DPP6: variants seen among roughly 807,000 people sequenced by gnomAD.
DPP6 encodes A-type potassium channel modulatory protein DPP6.
A neutral mutation model predicts 122.6 loss-of-function variants in DPP6; 69 were observed. The observed-to-expected ratio is 0.56, with a 90% CI of 0.46 to 0.69. The LOEUF (loss-of-function observed/expected upper bound fraction) is 0.69, where lower values mean the gene tolerates loss of function less well. Ranked by LOEUF, DPP6 falls within the 30% of genes least tolerant of loss-of-function variation. The pLI is 0.00. For synonymous variants in DPP6, 418 were observed against 433.1 expected (o/e 0.97, Z 0.43); for missense variants, 928 against 1,116.9 (o/e 0.83, Z 2.41).
At chr7:154,654,920 G>A (rs933774625) in intron 6 of DPP6, among the ~76,000 whole-genome samples, 2 of 152,126 alleles carry the variant, frequency 1.3e-5, no homozygotes, top group African/African-American at 2.4e-5. Flanking sequence ...TGCTACATGA[G>A]TTTAAGGTAT....
chr7:154,860,615 T>A (rs57604251), intron 17 of DPP6, among the ~76,000 whole-genome samples: 8,643 of 152,282 alleles, frequency 0.057, 863 homozygotes, highest in African/African-American at 0.2. Context: ...TGGCACTTGC[T>A]GGGGTGGCGA....
intron 10 of DPP6, among the ~76,000 whole-genome samples, chr7:154,781,390 C>T (rs1797021568): frequency 6.6e-6 from 1 of 152,196 alleles, no homozygotes; most frequent in South Asian, 2.1e-4. Flanking sequence ...TCACTTCGTT[C>T]TCCCTCATCC....
chr7:154,823,663 C>T (rs149473773), intron 16 of DPP6, among the ~76,000 whole-genome samples: 3 of 152,322 alleles, frequency 2.0e-5, no homozygotes, highest in Non-Finnish European at 4.4e-5. Context: ...ACTCTCGTCC[C>T]AGGAGTTCTC....
At chr7:154,479,708 G>A (rs1373279666) in intron 3 of DPP6, among the ~76,000 whole-genome samples, 2 of 151,920 alleles carry the variant, frequency 1.3e-5, no homozygotes, top group East Asian at 1.9e-4. Context: ...TATAACAACC[G>A]CATTGCACTT....
chr7:154,645,420 A>G (rs1002320011), intron 6 of DPP6, among the ~76,000 whole-genome samples: 3 of 152,022 alleles, frequency 2.0e-5, no homozygotes, highest in African/African-American at 7.2e-5. Context: ...ATCTGCCTGT[A>G]AGACTTGGTC....
intron 1 of DPP6, among the ~76,000 whole-genome samples, chr7:154,225,775 A>C (rs1800561857): frequency 6.6e-6 from 1 of 152,202 alleles, no homozygotes; most frequent in Non-Finnish European, 1.5e-5. Flanking sequence ...GGATGTAAAC[A>C]TACGAATTTC....
the DPP6 span, among the ~76,000 whole-genome samples, chr7:153,770,465 T>C: frequency 0.91 from 138,742 of 152,030 alleles, 63,367 homozygotes; most frequent in Admixed American, 0.94. Flanking sequence ...AAATAAACAA[T>C]AACGAATCCC....
intron 1 of DPP6, among the ~76,000 whole-genome samples, chr7:153,926,276 CATT>C (rs1291912913): frequency 6.6e-6 from 1 of 152,168 alleles, no homozygotes; most frequent in Non-Finnish European, 1.5e-5. Context: ...TAAATTGTCT[CATT>C]AATTTGTGAA....
At chr7:154,780,674 C>G (rs1796963998) in intron 10 of DPP6, among the ~76,000 whole-genome samples, 1 of 152,186 alleles carries the variant, frequency 6.6e-6, no homozygotes, top group Non-Finnish European at 1.5e-5. Flanking sequence ...AGTTTCTTCC[C>G]GTGGACCACA....
intron 5 of DPP6, among the ~76,000 whole-genome samples, chr7:154,620,264 T>C (rs557974971): frequency 6.6e-6 from 1 of 152,360 alleles, no homozygotes; most frequent in South Asian, 2.1e-4. Context: ...AAATGTTCAG[T>C]AGAGGACCCT....
At chr7:154,154,650 G>A (rs1416245715) in intron 1 of DPP6, among the ~76,000 whole-genome samples, 1 of 152,212 alleles carries the variant, frequency 6.6e-6, no homozygotes, top group Non-Finnish European at 1.5e-5. Flanking sequence ...GCCCATTTTA[G>A]AGCTAGATTG....
chr7:154,490,380 C>A (rs1824176435), intron 3 of DPP6, among the ~76,000 whole-genome samples: 1 of 152,214 alleles, frequency 6.6e-6, no homozygotes, highest in South Asian at 2.1e-4. Context: ...CCAAAGCACG[C>A]AGCCCTCCTT....
At chr7:154,223,234 C>A (rs1031335842) in intron 1 of DPP6, among the ~76,000 whole-genome samples, 1 of 149,344 alleles carries the variant, frequency 6.7e-6, no homozygotes, top group African/African-American at 2.6e-5. Context: ...AGAAGCTCAG[C>A]ACCAGGGTGC....
At chr7:154,730,811 A>G (rs555738839) in intron 8 of DPP6, among the ~76,000 whole-genome samples, 3 of 152,252 alleles carry the variant, frequency 2.0e-5, no homozygotes, top group Non-Finnish European at 4.4e-5. Flanking sequence ...TCAAAAATCC[A>G]TAACCAGGAG....
At chr7:154,468,835 CAT>C (rs905408402) in intron 2 of DPP6, among the ~76,000 whole-genome samples, 30 of 152,234 alleles carry the variant, frequency 2.0e-4, no homozygotes, top group South Asian at 6.2e-4. Flanking sequence ...TATTTGAAGA[CAT>C]GTGAATTTGT....
At chr7:154,076,983 C>T (rs1336049802) in intron 1 of DPP6, among the ~76,000 whole-genome samples, 1 of 152,158 alleles carries the variant, frequency 6.6e-6, no homozygotes, top group Non-Finnish European at 1.5e-5. Context: ...AATTTCAATA[C>T]TTAAAGTTTA....
chr7:154,729,768 C>T (rs892023675), intron 8 of DPP6, among the ~76,000 whole-genome samples: 4 of 152,154 alleles, frequency 2.6e-5, no homozygotes, highest in Non-Finnish European at 5.9e-5. Context: ...ATGTGGCTGC[C>T]GGTGCTCAGA....
At chr7:154,037,244 GAA>G (rs1424979962) in intron 1 of DPP6, among the ~76,000 whole-genome samples, 2 of 152,202 alleles carry the variant, frequency 1.3e-5, no homozygotes, top group African/African-American at 4.8e-5. Flanking sequence ...GCACATGGGA[GAA>G]AAGAGTTCAG....
intron 5 of DPP6, among the ~76,000 whole-genome samples, chr7:154,568,797 A>C (rs909334332): frequency 4.6e-5 from 7 of 152,126 alleles, no homozygotes; most frequent in African/African-American, 1.7e-4. Context: ...CTGAAGGAAA[A>C]CCTAGGAAGT....
Sources: allele counts gnomAD v4.1 joint callset (sites outside exome capture counted in the v4.1 genomes callset), GRCh38; gene constraint gnomAD v4.1.1; transcripts MANE v1.5; gene names NCBI Gene and HGNC (gene_info 2026-07-23, HGNC 2026-07-21).